TRIM66: variants seen among roughly 807,000 people sequenced by gnomAD.
The protein encoded by TRIM66 is tripartite motif-containing protein 66.
A neutral mutation model predicts 148.2 loss-of-function variants in TRIM66; 99 were observed. The observed-to-expected ratio is 0.67, with a 90% confidence interval of 0.57 to 0.79. The LOEUF (loss-of-function observed/expected upper bound fraction) is 0.79, where lower values mean the gene tolerates loss of function less well. Among genes scored for constraint, TRIM66 ranks in the 30% least tolerant of loss-of-function variants. The pLI, the probability that TRIM66 is intolerant of heterozygous loss-of-function variation, is 0.00. For missense variants in TRIM66, 1,666 were observed against 1,697.9 expected (o/e 0.98, Z 0.33); for synonymous variants, 616 against 635.9 (o/e 0.97, Z 0.47).
rs2037389597 is a variant in TRIM66 at position 8,651,881 on chromosome 11, A to G, written c.363T>C (p.Cys121=). The G allele has an allele frequency of 6.4e-7, 1 of 1,551,576 alleles. No individual in the cohort carries two copies. The highest frequency in any genetic ancestry group is 1.4e-5 in the African/African-American group (1 of 73,062). The change falls in exon 7 of 25, where the codon TGT becomes TGC. Residue 121 remains cysteine, a synonymous_variant. Transcript: ENST00000646038. ...CATCCCTGGTAAGATATACTCGTTC[A>G]CACCCAGGACAGGAGATGAGCTCTG... The part of the protein sequence containing the change: ...VADELISCPG[C]ERVYLTRDVT...
Position 8,638,695 on chromosome 11 carries a change from C to T in TRIM66, c.2269G>A (p.Asp757Asn), listed in dbSNP as rs1437415005. ...GGAGAGGAGTGCTGGATGGTGCTGT[C>T]CACTGGGGGGACACTGAGAGGGGTT... The part of the protein sequence containing the change: ...EETPLSVPPV[D>N]STIQHSSPNV... Residue 757 changes from aspartate to asparagine, a missense_variant, in exon 15 of 25, where the codon GAC becomes AAC. By Grantham distance (23) the Asp-to-Asn change is conservative (BLOSUM62 1). Transcript: ENST00000646038. The T allele has an allele frequency of 2.5e-5, 39 of 1,549,660 alleles. No individual in the cohort carries two copies. The East Asian group carries it at 9.6e-4, about 38-fold the overall frequency.
chr11:8,641,108 G>A lies in TRIM66; in HGVS notation c.1267C>T (p.Pro423Ser). The A allele has an allele frequency of 1.9e-6, 3 of 1,551,714 alleles. No homozygotes were observed. Among genetic ancestry groups the A allele is most frequent in the Non-Finnish European group, 2.6e-6 (3 of 1,146,978 alleles). ...GACCCCTGTAAGCCTCCATAAGCAG[G>A]AGCATCTGCCCTGGACATTTGTCCA... ...EGGQMSRADA[P>S]AYGGLQGSSP... Residue 423 changes from proline to serine, a missense_variant, in exon 14 of 25, where the codon CCT (proline) becomes TCT (serine). Physicochemically the swap from Pro to Ser is moderately conservative, Grantham distance 74. Coordinates refer to ENST00000646038, the MANE Select transcript of TRIM66 (RefSeq NM_001388022.1).
chr11:8,648,313 T>C, intron 9 of TRIM66, 103 bp downstream of exon 9: 1 of 1,486,524 alleles, frequency 6.7e-7, no homozygotes, highest in South Asian at 1.4e-5. Flanking sequence ...GCAGGTTGGC[T>C]TGGGCAGGGA....
In TRIM66 at chr11:8,629,200, A is replaced by G. The variant is rs201888364; in HGVS notation, c.2311-3972T>C. Among the ~76,000 whole-genome samples the G allele has an allele frequency of 1.3e-4, 20 of 152,346 alleles. No individual in the cohort carries two copies. In the East Asian group the frequency reaches 3.9e-3, roughly 29 times the overall value. ...TGTCTCCTTGTTGTCCTGGTTATGC[A>G]CTACCATAGCTTTCTAATATTCTAT... On this transcript the variant is annotated intron_variant, in intron 15 of 24. Transcript: ENST00000646038.
chr11:8,664,049 C>A (rs2038430521), intron 6 of TRIM66, among the ~76,000 whole-genome samples: 1 of 152,090 alleles, frequency 6.6e-6, no homozygotes, highest in South Asian at 2.1e-4. Context: ...GGAGTCAGTT[C>A]AAGAGATCCA....
At chr11:8,674,413 T>G (rs557647971) in intron 4 of TRIM66, among the ~76,000 whole-genome samples, 15 of 152,376 alleles carry the variant, frequency 9.8e-5, no homozygotes, top group African/African-American at 2.6e-4. Context: ...AGACAGGGTC[T>G]TGCTCTGTTG....
chr11:8,628,161 C>T (rs771742813), intron 15 of TRIM66, among the ~76,000 whole-genome samples: 8 of 151,348 alleles, frequency 5.3e-5, no homozygotes, highest in Admixed American at 2.0e-4. Context: ...TTTTTCTTTA[C>T]ATTTGTTTTT....
chr11:8,647,325 C>G (rs1237335311), intron 10 of TRIM66, among the ~76,000 whole-genome samples: 1 of 152,190 alleles, frequency 6.6e-6, no homozygotes, highest in African/African-American at 2.4e-5. Flanking sequence ...GAAGTCACCA[C>G]AGACCTACCA....
chr11:8,664,205 G>A (rs146539262), intron 6 of TRIM66, among the ~76,000 whole-genome samples: 8 of 152,268 alleles, frequency 5.3e-5, no homozygotes, highest in East Asian at 3.9e-4. Flanking sequence ...ATTCTGCAAC[G>A]TATCTATACT....
rs1241461937 is a variant in TRIM66, at chr11:8,671,952, A to T, written c.174T>A (p.Ser58Arg). 6.5e-7 allele frequency: 1 copy of T among 1,535,834 alleles called. No individual in the cohort carries two copies. Among genetic ancestry groups the T allele is most frequent in the Non-Finnish European group, 8.7e-7 (1 of 1,146,880 alleles). The change falls in exon 6 of 25, where the codon AGT becomes AGA. Residue 58 changes from serine (S) to arginine (R), a missense_variant. Ser to Arg is a moderately radical substitution (Grantham distance 110, BLOSUM62 -1). Coordinates refer to ENST00000646038, the MANE Select transcript of TRIM66 (RefSeq NM_001388022.1). Reference sequence around the variant, plus strand: ...TCATTACCATGGCCTCCATCTGTCCACTCTTAGGGCAGTGTTTCTGGCCAG... The same window carrying T: ...TCATTACCATGGCCTCCATCTGTCCTCTCTTAGGGCAGTGTTTCTGGCCAG... ...PLAGQKHCPK[S>R]GQMEAMVMTC...
Position 8,640,960 on chromosome 11 carries a change from GGGGAGCAGT to G in TRIM66, c.1406_1414del (p.His469_Ser471del), listed in dbSNP as rs2036336740. On this transcript the variant is annotated inframe_deletion, in exon 14 of 25. Coordinates refer to ENST00000646038, the MANE Select transcript of TRIM66 (RefSeq NM_001388022.1). ...CTGGCCTTTGAGGGAAGGCGAGACTGGGGAGCAGTGGGAGCAGCACACAGATGAGGAGCA... is the reference window on the plus strand; with the variant it reads ...CTGGCCTTTGAGGGAAGGCGAGACTGGGGAGCAGCACACAGATGAGGAGCA... The G allele has an allele frequency of 6.4e-7, 1 of 1,551,282 alleles. No homozygotes were observed. Among genetic ancestry groups the G allele is most frequent in the Non-Finnish European group, 8.7e-7 (1 of 1,146,962 alleles).
rs527871622 is a variant in TRIM66, at chr11:8,626,703, T to C, written c.2311-1475A>G. Among the ~76,000 whole-genome samples the C allele has an allele frequency of 2.0e-3, 311 of 152,368 alleles. 2 individuals are homozygous for C. The highest frequency in any genetic ancestry group is 3.3e-3 in the Non-Finnish European group (226 of 68,036). ...TCAAAACACGGATCCGATCACATCA[T>C]TTCTTTTCATAAAACCCCGCAGTGC... On this transcript the variant is annotated intron_variant, in intron 15 of 24. Transcript: ENST00000646038.
At chr11:8,659,395 A>G (rs543969449) in intron 6 of TRIM66, among the ~76,000 whole-genome samples, 1 of 152,312 alleles carries the variant, frequency 6.6e-6, no homozygotes, top group East Asian at 1.9e-4. Flanking sequence ...AAGAAGACTC[A>G]TTTCAAAGAG....
At chr11:8,641,888 T>C (rs2036425964) in intron 13 of TRIM66, among the ~76,000 whole-genome samples, 2 of 152,134 alleles carry the variant, frequency 1.3e-5, no homozygotes, top group African/African-American at 2.4e-5. Flanking sequence ...GTGATGTGCG[T>C]CTTCACCTTC....
At chr11:8,622,778 G>A in intron 18 of TRIM66, 38 bp downstream of exon 18, 1 of 1,539,308 alleles carries the variant, frequency 6.5e-7, no homozygotes, top group Non-Finnish European at 8.8e-7. Flanking sequence ...AGGACGTGAA[G>A]TCATGGGTGG....
chr11:8,645,867 C>CT lies in TRIM66; in HGVS notation c.977dup (p.Arg327AlafsTer18). On this transcript the variant is annotated frameshift_variant, in exon 12 of 25. Coordinates refer to ENST00000646038, the MANE Select transcript of TRIM66 (RefSeq NM_001388022.1). LOFTEE classifies it high-confidence loss of function. ...TCTGTAACTGCTGTTCCAGCTTCCG[C>CT]TTTCTCTCATTAGTAATCCCCTGGG... 1 of 1,551,680 alleles carries CT rather than the reference C, an allele frequency of 6.4e-7. No homozygotes were observed. The highest frequency in any genetic ancestry group is 1.2e-5 in the South Asian group (1 of 84,060).
intron 6 of TRIM66, chr11:8,663,213 T>G (rs542041734): frequency 3.0e-4 from 46 of 152,296 alleles, no homozygotes; most frequent in African/African-American, 1.1e-3. Context: ...AGACCCATCT[T>G]CCTAGTTGCT....
chr11:8,661,041 G>A (rs1327110604), intron 6 of TRIM66, among the ~76,000 whole-genome samples: 2 of 152,240 alleles, frequency 1.3e-5, no homozygotes, highest in African/African-American at 4.8e-5. Flanking sequence ...AGAGCTAGAA[G>A]TGTAGTCCCG....
chr11:8,650,327 C>CG, intron 7 of TRIM66, among the ~76,000 whole-genome samples: 1 of 151,992 alleles, frequency 6.6e-6, no homozygotes, highest in Non-Finnish European at 1.5e-5. Flanking sequence ...GAGCCAAGAT[C>CG]GTACCACTAC....
Sources: allele counts gnomAD v4.1 joint callset (sites outside exome capture counted in the v4.1 genomes callset), GRCh38; gene constraint gnomAD v4.1.1; transcripts MANE v1.5; gene names NCBI Gene and HGNC (gene_info 2026-07-23, HGNC 2026-07-21).